The following LIMK1 variants were observed in gnomAD, a reference collection of about 807,000 sequenced individuals.
LIMK1 encodes LIM motif-containing protein kinase.
In LIMK1, 21 loss-of-function variants were observed where a neutral mutation model predicts 77.6. That is an observed-to-expected ratio of 0.27 (90% CI 0.19 to 0.39). The LOEUF (loss-of-function observed/expected upper bound fraction) is 0.39. Ranked by LOEUF, LIMK1 falls within the 10% of genes least tolerant of loss-of-function variation. The probability of loss-of-function intolerance (pLI) is 1.00; values close to 1 mark genes in which losing one functional copy is unlikely to be tolerated. For missense variants in LIMK1, 696 were observed against 901.6 expected, an observed-to-expected ratio of 0.77 and a Z score of 2.92; for synonymous variants, 358 against 370.0, an observed-to-expected ratio of 0.97 and a Z score of 0.37.
Position 74,121,423 on chromosome 7 carries a change from C to T in LIMK1, c.*122C>T, listed in dbSNP as rs1799937707. The T allele has an allele frequency of 2.9e-6, 3 of 1,032,612 alleles. No homozygotes were observed. Among genetic ancestry groups the T allele is most frequent in the Non-Finnish European group, 4.1e-6 (3 of 733,094 alleles). 64.0% of individuals were successfully genotyped at this position (1,032,612 alleles called of 1,614,324 possible). On this transcript the variant is annotated 3_prime_UTR_variant, in exon 16 of 16. Coordinates refer to ENST00000336180, the MANE Select transcript of LIMK1 (RefSeq NM_002314.4). ...CCCAGGCTTCTCCTCAGAGCCAGGC[C>T]CTGACTTGCCTTCTCCCACCCCGTG...
At position 74,115,192 on chromosome 7, in the gene LIMK1, G is replaced by A. The variant is rs543301869; in HGVS notation, c.1411-610G>A. ...AATCCCAGCACTTTGGTAGGCCACA[G>A]TGGGTGGATCACCTGAGATCAGGAG... is the stretch of plus-strand genomic sequence containing the variant. On this transcript the variant is annotated intron_variant, in intron 12 of 15. Coordinates refer to ENST00000336180, the MANE Select transcript of LIMK1 (RefSeq NM_002314.4). Among the ~76,000 whole-genome samples the A allele has an allele frequency of 2.0e-5, 3 of 152,334 alleles. No homozygotes were observed. The South Asian group carries it at 6.2e-4, about 32-fold the overall frequency.
rs1799485203 is a variant in LIMK1 at position 74,102,489 on chromosome 7, T to TTTTTTTTTTTTTTTTTTTTTTTTTTG, written c.608+3264_608+3265insTTTTTTTTTTTTGTTTTTTTTTTTTT. 1.7e-5 allele frequency among the ~76,000 whole-genome samples: 2 copies of TTTTTTTTTTTTTTTTTTTTTTTTTTG among 116,864 alleles called. 1 individual carries two copies. Among genetic ancestry groups the TTTTTTTTTTTTTTTTTTTTTTTTTTG allele is most frequent in the Non-Finnish European group, 3.6e-5 (2 of 54,878 alleles). 76.7% of individuals were successfully genotyped at this position (116,864 alleles called of 152,430 possible). On this transcript the variant is annotated intron_variant, in intron 5 of 15. Coordinates refer to ENST00000336180, the MANE Select transcript of LIMK1 (RefSeq NM_002314.4). ...TCTCAAAAGAAGGACCTTCTCTTTT[T>TTTTTTTTTTTTTTTTTTTTTTTTTTG]TTTTTTTTTTTTTGGAGACAGGGTA...
chr7:74,101,214 A>G (rs1466571957), intron 5 of LIMK1, among the ~76,000 whole-genome samples: 1 of 152,172 alleles, frequency 6.6e-6, no homozygotes, highest in Non-Finnish European at 1.5e-5. Flanking sequence ...TGCTTTACAT[A>G]CATGATGAGC....
chr7:74,105,402 A>G (rs1197397468), intron 5 of LIMK1, among the ~76,000 whole-genome samples: 1 of 151,826 alleles, frequency 6.6e-6, no homozygotes, highest in Non-Finnish European at 1.5e-5. Flanking sequence ...AATCCCAGCT[A>G]CTCAGGAGGC....
In LIMK1 at chr7:74,120,799, C is replaced by T. The variant is rs532253373; in HGVS notation, c.1624-93C>T. ...GTACTGCAGTCAGGCTGCAGCCAGG[C>T]CCAGTGCCACCTGCCCTCAAACCAC... On this transcript the variant is annotated intron_variant, in intron 14 of 15. Coordinates refer to ENST00000336180, the MANE Select transcript of LIMK1 (RefSeq NM_002314.4). The T allele has an allele frequency of 4.5e-6, 7 of 1,569,312 alleles. No individual in the cohort carries two copies. In the African/African-American group the frequency reaches 6.7e-5, roughly 15 times the overall value.
At chr7:74,113,659 G>C (rs1799747551) in intron 12 of LIMK1, among the ~76,000 whole-genome samples, 2 of 151,040 alleles carry the variant, frequency 1.3e-5, no homozygotes, top group Non-Finnish European at 2.9e-5. Flanking sequence ...AAGAGGGGCT[G>C]ACAAGAGACC....
chr7:74,093,960 GC>G (rs1230255467), intron 2 of LIMK1: 2 of 152,314 alleles, frequency 1.3e-5, no homozygotes, highest in Admixed American at 6.5e-5. Context: ...CTCTCCATCC[GC>G]AAAGGTTCAC....
Position 74,084,020 on chromosome 7 carries a change from G to T in LIMK1, c.30G>T (p.Trp10Cys). MRLTLLCCT[W>C]REERMGEEGS... ...GGTTGACGCTACTTTGTTGCACCTGGAGGGAAGAACGTATGGGAGAGGAAG... is the reference window on the plus strand; with the variant it reads ...GGTTGACGCTACTTTGTTGCACCTGTAGGGAAGAACGTATGGGAGAGGAAG... The change falls in exon 1 of 16, where the codon TGG becomes TGT. Residue 10 changes from tryptophan (W) to cysteine (C), a missense_variant. By Grantham distance (215) the Trp-to-Cys change is radical (BLOSUM62 -2). Transcript: ENST00000336180. 6.7e-7 allele frequency: 1 copy of T among 1,494,930 alleles called. No individual in the cohort carries two copies. The highest frequency in any genetic ancestry group is 9.0e-7 in the Non-Finnish European group (1 of 1,116,952). The allele number at this position is 1,494,930 out of a possible 1,614,324, so 92.6% of individuals were successfully genotyped here. A position where few individuals can be genotyped will look rare whatever the true frequency, so the allele number is the denominator to read the frequency against.
At chr7:74,097,609 G>A (rs1384311737) in intron 4 of LIMK1, among the ~76,000 whole-genome samples, 2 of 152,216 alleles carry the variant, frequency 1.3e-5, no homozygotes, top group South Asian at 2.1e-4. Context: ...CTGGGAGGTG[G>A]AAGTTGCAGT....
chr7:74,117,964 C>CG, intron 13 of LIMK1, among the ~76,000 whole-genome samples: 2 of 151,486 alleles, frequency 1.3e-5, no homozygotes, highest in Admixed American at 1.3e-4. Context: ...AAAAATTACC[C>CG]GGGTGTGGTG....
rs1277922092 is a variant in LIMK1 at position 74,097,126 on chromosome 7, C to T, written c.338C>T (p.Thr113Met). 11 of 1,613,618 alleles carry T rather than the reference C, an allele frequency of 6.8e-6. No homozygotes were observed. The highest frequency in any genetic ancestry group is 8.5e-6 in the Non-Finnish European group (10 of 1,179,956). Residue 113 changes from threonine (T) to methionine (M), a missense_variant, in exon 4 of 16, where the codon ACG becomes ATG. Coordinates refer to ENST00000336180, the MANE Select transcript of LIMK1 (RefSeq NM_002314.4). ...KYHPECFICL[T>M]CGTFIGDGDT... ...CACCCCGAGTGTTTCATCTGCCTCA[C>T]GTGTGGGACCTTTATCGGTGACGGG...
At chr7:74,108,802 T>G in intron 9 of LIMK1, 103 bp from the exon 10 acceptor site, 1 of 1,514,214 alleles carries the variant, frequency 6.6e-7, no homozygotes, top group Non-Finnish European at 8.8e-7. Context: ...TCCGTATCTT[T>G]GAGACCGCCT....
In LIMK1 at chr7:74,108,940, G is replaced by C. The variant is rs781836425; in HGVS notation, c.1188G>C (p.Val396=). 3.7e-6 allele frequency: 6 copies of C among 1,614,060 alleles called. No individual in the cohort carries two copies. The Admixed American group carries it at 1.0e-4, about 27-fold the overall frequency. Residue 396 remains valine, a synonymous_variant, in exon 10 of 16, where the codon GTG becomes GTC. Transcript: ENST00000336180. ...TGCGATGCCTGGAACACCCCAACGTGCTCAAGTTCATCGGGGTGCTCTACA... is the reference window on the plus strand; with the variant it reads ...TGCGATGCCTGGAACACCCCAACGTCCTCAAGTTCATCGGGGTGCTCTACA... ...KVMRCLEHPN[V]LKFIGVLYKD...
intron 9 of LIMK1, 104 bp from the exon 10 acceptor site, chr7:74,108,801 T>TG: frequency 6.6e-7 from 1 of 1,512,766 alleles, no homozygotes; most frequent in East Asian, 2.3e-5. Flanking sequence ...TTCCGTATCT[T>TG]TGAGACCGCC....
At chr7:74,094,483 C>T (rs1799300498) in intron 2 of LIMK1, among the ~76,000 whole-genome samples, 1 of 152,126 alleles carries the variant, frequency 6.6e-6, no homozygotes, top group African/African-American at 2.4e-5. Flanking sequence ...TGCGGGGGCC[C>T]TGCTTCCTGC....
chr7:74,118,248 G>A (rs1306559934), intron 13 of LIMK1, among the ~76,000 whole-genome samples: 4 of 151,500 alleles, frequency 2.6e-5, no homozygotes, highest in South Asian at 2.1e-4. Context: ...GTGGTTGCAC[G>A]CGTCTGTAGT....
intron 13 of LIMK1, among the ~76,000 whole-genome samples, chr7:74,118,249 C>T (rs186687975): frequency 6.6e-5 from 10 of 150,738 alleles, no homozygotes; most frequent in Non-Finnish European, 7.4e-5. Flanking sequence ...TGGTTGCACG[C>T]GTCTGTAGTC....
rs554515564 is a variant in LIMK1, at chr7:74,094,808, C to T, written c.153-1814C>T. Among the ~76,000 whole-genome samples, 9 of 151,810 alleles carry T rather than the reference C, an allele frequency of 5.9e-5. No individual in the cohort carries two copies. The East Asian group carries it at 1.4e-3, about 23-fold the overall frequency. ...GAGTGGGGCAGTGACCCTGACGTGGCGTCTCCTGCCGCCCCTGCCACCGCC... is the reference window on the plus strand; with the variant it reads ...GAGTGGGGCAGTGACCCTGACGTGGTGTCTCCTGCCGCCCCTGCCACCGCC... On this transcript the variant is annotated intron_variant, in intron 2 of 15. Transcript: ENST00000336180.
chr7:74,121,064 G>A lies in LIMK1; in HGVS notation c.1781+15G>A. On this transcript the variant is annotated intron_variant, in intron 15 of 15. Coordinates refer to ENST00000336180, the MANE Select transcript of LIMK1 (RefSeq NM_002314.4). The stretch of plus-strand genomic sequence containing the variant: ...CCCGAGAAGAGGTGAGTGGGGTGGG[G>A]CCCTGGCCTGGGAGACGGTGGGGCC... 6.3e-7 allele frequency: 1 copy of A among 1,594,516 alleles called. No homozygotes were observed. Among genetic ancestry groups the A allele is most frequent in the Non-Finnish European group, 8.6e-7 (1 of 1,168,454 alleles).
Sources: gnomAD v4.1 joint callset for allele counts (sites outside exome capture counted in the v4.1 genomes callset) on GRCh38, gnomAD v4.1.1 for gene constraint, MANE v1.5 for transcripts, NCBI Gene and HGNC (gene_info 2026-07-23, HGNC 2026-07-21) for gene names.